Variants in TAFA5 observed in about 807,000 individuals in gnomAD.
TAFA5 encodes the protein chemokine-like protein TAFA-5.
TAFA5 carries 6 observed loss-of-function variants against 15.3 expected under a neutral mutation model. The observed-to-expected ratio is 0.39, with a 90% CI of 0.21 to 0.77. TAFA5 has a LOEUF of 0.77. Among genes scored for constraint, TAFA5 ranks in the 30% least tolerant of loss-of-function variants. The probability of loss-of-function intolerance (pLI) is 0.41; values close to 1 mark genes in which losing one functional copy is unlikely to be tolerated. For synonymous variants in TAFA5, 103 were observed against 80.7 expected, an observed-to-expected ratio of 1.28 and a Z score of -1.48; for missense variants, 161 against 193.1, an observed-to-expected ratio of 0.83 and a Z score of 0.98.
chr22:48,502,879 C>T lies in TAFA5; in HGVS notation c.112+13175C>T, dbSNP rs1920960870. On this transcript the variant is annotated intron_variant, in intron 1 of 3. Transcript: ENST00000402357. ...TTTGCTGTGCTTTCAAATGGCTTCT[C>T]TTCTGTAGCATTCCATTCCCTGATA... 1.3e-5 allele frequency among the ~76,000 whole-genome samples: 2 copies of T among 152,302 alleles called. 1 individual carries two copies. Among genetic ancestry groups the T allele is most frequent in the Middle Eastern group, 6.8e-3 (2 of 294 alleles).
At chr22:48,501,550 G>A (rs866035903) in intron 1 of TAFA5, among the ~76,000 whole-genome samples, 3 of 151,720 alleles carry the variant, frequency 2.0e-5, no homozygotes, top group Non-Finnish European at 4.4e-5. Flanking sequence ...AGAGGTAGTC[G>A]GGGGTGCCCG....
chr22:48,731,329 C>T (rs569790863), intron 3 of TAFA5, among the ~76,000 whole-genome samples: 91 of 152,336 alleles, frequency 6.0e-4, no homozygotes, highest in African/African-American at 2.2e-3. Flanking sequence ...GGAGAAGCTG[C>T]AGTAAGTTCT....
Position 48,676,744 on chromosome 22 carries a change from G to A in TAFA5, c.262+29998G>A, listed in dbSNP as rs73433900. On this transcript the variant is annotated intron_variant, in intron 2 of 3. Coordinates refer to ENST00000402357, the MANE Select transcript of TAFA5 (RefSeq NM_001082967.3). ...GCGGGTATGCACTGCTCATGGCTTG[G>A]ACTCTGATACAACAAGCCCTGCTCA... 5.5e-3 allele frequency among the ~76,000 whole-genome samples: 843 copies of A among 152,344 alleles called. 7 individuals are homozygous for A. The highest frequency in any genetic ancestry group is 0.02 in the African/African-American group (815 of 41,584).
intron 2 of TAFA5, among the ~76,000 whole-genome samples, chr22:48,666,786 C>T (rs1476817019): frequency 6.6e-6 from 1 of 152,216 alleles, no homozygotes; most frequent in Non-Finnish European, 1.5e-5. Flanking sequence ...GGCCTCCCTC[C>T]AGCCTGCTGG....
At chr22:48,656,653 G>A (rs1569066554) in intron 2 of TAFA5, among the ~76,000 whole-genome samples, 2 of 148,066 alleles carry the variant, frequency 1.4e-5, no homozygotes, top group Non-Finnish European at 3.0e-5. Context: ...ATCAAAATGG[G>A]AATAAAGTAG....
intron 3 of TAFA5, among the ~76,000 whole-genome samples, chr22:48,729,538 C>G (rs1415629726): frequency 1.4e-5 from 2 of 148,000 alleles, no homozygotes; most frequent in African/African-American, 4.9e-5. Flanking sequence ...GTGCCTCTTA[C>G]ACCAGTCAGT....
chr22:48,731,126 A>T (rs905266527), intron 3 of TAFA5, among the ~76,000 whole-genome samples: 5 of 152,244 alleles, frequency 3.3e-5, no homozygotes, highest in Non-Finnish European at 7.3e-5. Flanking sequence ...ACAAGATCCA[A>T]CCAGCCACAA....
At chr22:48,687,350 G>A (rs578046412) in intron 2 of TAFA5, among the ~76,000 whole-genome samples, 2 of 151,598 alleles carry the variant, frequency 1.3e-5, no homozygotes, top group South Asian at 2.1e-4. Context: ...TGGATTAGTG[G>A]GTGATGGATG....
At chr22:48,618,073 G>A (rs1206747041) in intron 1 of TAFA5, among the ~76,000 whole-genome samples, 2 of 152,220 alleles carry the variant, frequency 1.3e-5, no homozygotes, top group Admixed American at 6.5e-5. Flanking sequence ...GTGTGGACAC[G>A]GAGGTTAACA....
intron 1 of TAFA5, among the ~76,000 whole-genome samples, chr22:48,503,897 C>T (rs1920968908): frequency 6.6e-6 from 1 of 152,164 alleles, no homozygotes; most frequent in Non-Finnish European, 1.5e-5. Context: ...GACACACCAG[C>T]ACCACAGGAC....
At chr22:48,698,066 A>ATGGTGGTGG (rs143349918) in intron 2 of TAFA5, among the ~76,000 whole-genome samples, 1 of 146,104 alleles carries the variant, frequency 6.8e-6, no homozygotes, top group African/African-American at 2.5e-5. Context: ...TGATGTCATA[A>ATGGTGGTGG]TGATGGTGAT....
At chr22:48,493,770 C>T (rs921355285) in intron 1 of TAFA5, among the ~76,000 whole-genome samples, 15 of 152,246 alleles carry the variant, frequency 9.9e-5, no homozygotes, top group Non-Finnish European at 2.2e-4. Context: ...GGTTTGTCCC[C>T]TCACAGGATT....
chr22:48,711,906 A>G (rs1298434783), intron 3 of TAFA5, among the ~76,000 whole-genome samples: 2 of 152,146 alleles, frequency 1.3e-5, no homozygotes, highest in Non-Finnish European at 2.9e-5. Flanking sequence ...GCGCCACCAG[A>G]GTGTGGGTCG....
Position 48,596,733 on chromosome 22 carries a change from G to A in TAFA5, c.113-49864G>A, listed in dbSNP as rs577017050. Among the ~76,000 whole-genome samples, 7 of 152,218 alleles carry A rather than the reference G, an allele frequency of 4.6e-5. No homozygotes were observed. In the East Asian group the frequency reaches 9.7e-4, roughly 21 times the overall value. On this transcript the variant is annotated intron_variant, in intron 1 of 3. Transcript: ENST00000402357. The stretch of plus-strand genomic sequence containing the variant: ...TTTGGACCCACGTATCGTGACGTGC[G>A]TCCACCGAGATCGTAGCATACAGAG...
chr22:48,742,099 C>G lies in TAFA5; in HGVS notation c.391-7740C>G, dbSNP rs996301616. On this transcript the variant is annotated intron_variant, in intron 3 of 3. Coordinates refer to ENST00000402357, the MANE Select transcript of TAFA5 (RefSeq NM_001082967.3). The surrounding 1 kb of genome is among the most constrained non-coding windows in gnomAD (Gnocchi z 6.2). Reference sequence around the variant, plus strand: ...GCTGGGAGGCTGTGGGAGGTCGGGGCACCTGCCAGGCTCTGGAGGGGTCTG... The same window carrying G: ...GCTGGGAGGCTGTGGGAGGTCGGGGGACCTGCCAGGCTCTGGAGGGGTCTG... 2.0e-5 allele frequency among the ~76,000 whole-genome samples: 3 copies of G among 152,144 alleles called. No individual in the cohort carries two copies. Among genetic ancestry groups the G allele is most frequent in the Non-Finnish European group, 4.4e-5 (3 of 68,006 alleles).
chr22:48,713,722 C>T (rs1423066443), intron 3 of TAFA5, among the ~76,000 whole-genome samples: 1 of 152,226 alleles, frequency 6.6e-6, no homozygotes, highest in African/African-American at 2.4e-5. Context: ...GGCTGCACAG[C>T]CCCTGTCCCA....
rs576824884 is a variant in TAFA5, at chr22:48,704,512, C to T, written c.263-3205C>T. 2.6e-5 allele frequency among the ~76,000 whole-genome samples: 4 copies of T among 152,248 alleles called. No homozygotes were observed. In the South Asian group the frequency reaches 6.2e-4, roughly 24 times the overall value. On this transcript the variant is annotated intron_variant, in intron 2 of 3. Transcript: ENST00000402357. ...CTCATGGCGCCATCCCCTCTCTCAG[C>T]GCTGTCCCTCGGGGTTGGTGGACGT...
intron 1 of TAFA5, among the ~76,000 whole-genome samples, chr22:48,502,492 T>C (rs1296221530): frequency 6.6e-6 from 1 of 151,878 alleles, no homozygotes; most frequent in Non-Finnish European, 1.5e-5. Flanking sequence ...ACTCTGCTGC[T>C]CTGACTTGGG....
At chr22:48,539,854 C>T (rs918978560) in intron 1 of TAFA5, among the ~76,000 whole-genome samples, 2 of 152,176 alleles carry the variant, frequency 1.3e-5, no homozygotes, top group Non-Finnish European at 2.9e-5. Flanking sequence ...TGGGAAACTT[C>T]GAAGTCCCAG....
Sources: gnomAD v4.1 joint callset for allele counts (sites outside exome capture counted in the v4.1 genomes callset) on GRCh38, gnomAD v4.1.1 for gene constraint, Gnocchi (gnomAD v3.1) non-coding constraint, MANE v1.5 for transcripts, NCBI Gene and HGNC (gene_info 2026-07-23, HGNC 2026-07-21) for gene names.